Variants in WDR27 observed in about 807,000 individuals in gnomAD.
WDR27 encodes WD repeat domain 27, also known as WD repeat-containing protein 27.
In WDR27, 100 loss-of-function variants were observed where a neutral mutation model predicts 114.4. That is an observed-to-expected ratio of 0.87 (90% CI 0.74 to 1.03). The LOEUF is 1.03. Ranked by LOEUF, WDR27 falls within the 50% of genes least tolerant of loss-of-function variation. The probability of loss-of-function intolerance (pLI) is 0.00; values close to 1 mark genes in which losing one functional copy is unlikely to be tolerated. For synonymous variants in WDR27, 449 were observed against 423.1 expected (o/e 1.06, Z -0.75); for missense variants, 1,129 against 1,092.9 (o/e 1.03, Z -0.47).
intron 13 of WDR27, among the ~76,000 whole-genome samples, chr6:169,656,579 G>A (rs1042628084): frequency 5.1e-4 from 77 of 152,224 alleles, no homozygotes; most frequent in African/African-American, 1.7e-3. Flanking sequence ...GGCTGAGAAC[G>A]AGGAGGCCGG....
intron 25 of WDR27, among the ~76,000 whole-genome samples, chr6:169,530,899 T>C (rs559218739): frequency 6.2e-4 from 94 of 152,370 alleles, no homozygotes; most frequent in African/African-American, 1.8e-3. Context: ...GCACGTCTCA[T>C]GTCTGAGATG....
In WDR27 at chr6:169,644,776, G is replaced by A. The variant is rs922626791; in HGVS notation, c.1658-990C>T. Among the ~76,000 whole-genome samples the A allele has an allele frequency of 4.6e-5, 3 of 65,032 alleles. 1 individual carries two copies. Among genetic ancestry groups the A allele is most frequent in the Non-Finnish European group, 8.2e-5 (3 of 36,800 alleles). 42.7% of individuals were successfully genotyped at this position (65,032 alleles called of 152,430 possible). On this transcript the variant is annotated intron_variant, in intron 16 of 25. Coordinates refer to ENST00000448612, the MANE Select transcript of WDR27 (RefSeq NM_182552.5). ...TGTAATCCCAGCACTTTGGGAGGCC[G>A]AGGCGGGCGGATCACGAGGTCAGGA...
chr6:169,606,675 G>A (rs2128176631), intron 22 of WDR27, among the ~76,000 whole-genome samples: 1 of 152,164 alleles, frequency 6.6e-6, no homozygotes, highest in East Asian at 1.9e-4. Flanking sequence ...AGTATTCCAT[G>A]GTGTATATGT....
intron 21 of WDR27, among the ~76,000 whole-genome samples, chr6:169,614,126 C>T (rs557743216): frequency 3.3e-5 from 5 of 152,292 alleles, no homozygotes; most frequent in African/African-American, 1.2e-4. Flanking sequence ...CGAGTCCCGG[C>T]CCTGACTCTG....
At chr6:169,500,867 A>G (rs1791101460) in intron 25 of WDR27, among the ~76,000 whole-genome samples, 1 of 152,238 alleles carries the variant, frequency 6.6e-6, no homozygotes, top group South Asian at 2.1e-4. Context: ...GAGCTGCGCT[A>G]GCCCAGGGCC....
At chr6:169,450,213 C>T in the WDR27 span, among the ~76,000 whole-genome samples, 1 of 152,182 alleles carries the variant, frequency 6.6e-6, no homozygotes, top group African/African-American at 2.4e-5. Context: ...CCGACAGCTG[C>T]CAGCGGGGAG....
intron 25 of WDR27, among the ~76,000 whole-genome samples, chr6:169,511,289 T>C (rs1257458274): frequency 6.6e-6 from 1 of 152,216 alleles, no homozygotes; most frequent in East Asian, 1.9e-4. Flanking sequence ...CTCTGAATGT[T>C]TATCAAACAA....
chr6:169,618,647 A>AAC (rs1466002683), intron 21 of WDR27, among the ~76,000 whole-genome samples: 1 of 150,006 alleles, frequency 6.7e-6, no homozygotes, highest in African/African-American at 2.5e-5. Flanking sequence ...AAAAAAAAAA[A>AAC]AACATTATTG....
At chr6:169,535,719 A>G (rs1796125620) in intron 25 of WDR27, among the ~76,000 whole-genome samples, 1 of 152,218 alleles carries the variant, frequency 6.6e-6, no homozygotes, top group Non-Finnish European at 1.5e-5. Flanking sequence ...CTCCACTTTC[A>G]TAAAGTATGT....
chr6:169,574,874 C>T (rs1437334755), intron 24 of WDR27, among the ~76,000 whole-genome samples: 2 of 152,184 alleles, frequency 1.3e-5, no homozygotes, highest in African/African-American at 4.8e-5. Context: ...CACTCAAAGG[C>T]ATGAGATGAA....
chr6:169,534,057 G>GCC (rs1169089318), intron 25 of WDR27, among the ~76,000 whole-genome samples: 1 of 152,172 alleles, frequency 6.6e-6, no homozygotes, highest in African/African-American at 2.4e-5. Flanking sequence ...GGTTAAGGAA[G>GCC]CCCCCTTCCA....
At chr6:169,565,504 CT>C (rs1369476459) in intron 25 of WDR27, among the ~76,000 whole-genome samples, 1 of 152,180 alleles carries the variant, frequency 6.6e-6, no homozygotes, top group Non-Finnish European at 1.5e-5. Flanking sequence ...TATTTCCCCG[CT>C]TGTCTTACGC....
intron 25 of WDR27, among the ~76,000 whole-genome samples, chr6:169,539,946 T>C (rs1796640177): frequency 6.6e-6 from 1 of 152,236 alleles, no homozygotes; most frequent in South Asian, 2.1e-4. Context: ...CCTCCCGACA[T>C]CAGGCCTACC....
intron 2 of WDR27, among the ~76,000 whole-genome samples, chr6:169,674,866 A>G (rs889696017): frequency 2.6e-5 from 4 of 152,108 alleles, no homozygotes; most frequent in Non-Finnish European, 1.5e-5. Flanking sequence ...GTGGGGTTTT[A>G]TAGGATTTGG....
At chr6:169,562,120 C>T (rs948501488) in intron 25 of WDR27, among the ~76,000 whole-genome samples, 1 of 152,134 alleles carries the variant, frequency 6.6e-6, no homozygotes, top group African/African-American at 2.4e-5. Flanking sequence ...ATTTCAGTGC[C>T]GCTGTCAATC....
intron 20 of WDR27, 65 bp from the exon 21 acceptor site, chr6:169,633,133 C>T: frequency 6.8e-7 from 1 of 1,464,332 alleles, no homozygotes; most frequent in Non-Finnish European, 9.1e-7. Flanking sequence ...ACAGTTCCCT[C>T]TCTTTTACTA....
chr6:169,646,525 T>C (rs997287932), intron 16 of WDR27, among the ~76,000 whole-genome samples: 1 of 152,140 alleles, frequency 6.6e-6, no homozygotes, highest in Non-Finnish European at 1.5e-5. Flanking sequence ...GGCAGGTGGA[T>C]CACCGGACGT....
chr6:169,546,816 G>A (rs961364373), intron 25 of WDR27, among the ~76,000 whole-genome samples: 15 of 152,116 alleles, frequency 9.9e-5, no homozygotes, highest in South Asian at 2.1e-4. Context: ...TACTAGGGGC[G>A]CTGGCTTACG....
chr6:169,601,612 G>T (rs56841401), intron 23 of WDR27, among the ~76,000 whole-genome samples: 1 of 152,200 alleles, frequency 6.6e-6, no homozygotes, highest in Non-Finnish European at 1.5e-5. Flanking sequence ...TGAGGTGAAC[G>T]CTGCAGCTGC....
Sources: allele counts gnomAD v4.1 joint callset (sites outside exome capture counted in the v4.1 genomes callset), GRCh38; gene constraint gnomAD v4.1.1; transcripts MANE v1.5; gene names NCBI Gene and HGNC (gene_info 2026-07-23, HGNC 2026-07-21).